Variants in ARID1A observed in about 807,000 individuals in gnomAD.
ARID1A encodes the protein AT-rich interactive domain-containing protein 1A.
In ARID1A, 20 loss-of-function variants were observed where a neutral mutation model predicts 212.6. The ratio of observed to expected loss-of-function variants is 0.09; its 90% confidence interval spans 0.07 to 0.14. The LOEUF (loss-of-function observed/expected upper bound fraction) is 0.14. Ranked by LOEUF, ARID1A falls within the 10% of genes least tolerant of loss-of-function variation. ARID1A has a pLI of 1.00. For missense variants in ARID1A, 2,587 were observed against 3,059.0 expected (o/e 0.85, Z 3.64); for synonymous variants, 1,376 against 1,222.1 (o/e 1.13, Z -2.63).
chr1:26,744,686 A>G (rs1331344168), intron 4 of ARID1A, among the ~76,000 whole-genome samples: 1 of 152,182 alleles, frequency 6.6e-6, no homozygotes, highest in African/African-American at 2.4e-5. Context: ...CTCTGGCCCA[A>G]GCTTCCCTGA....
chr1:26,705,719 G>C (rs2080385670), intron 1 of ARID1A, among the ~76,000 whole-genome samples: 1 of 152,120 alleles, frequency 6.6e-6, no homozygotes, highest in East Asian at 1.9e-4. Context: ...TATTCTTCCT[G>C]AAATTACCCC....
intron 1 of ARID1A, among the ~76,000 whole-genome samples, chr1:26,710,594 G>C (rs1355717387): frequency 6.6e-6 from 1 of 151,042 alleles, no homozygotes; most frequent in African/African-American, 2.4e-5. Flanking sequence ...CTAGCCACCA[G>C]CATCAGCATT....
chr1:26,719,471 G>A (rs552601706), intron 1 of ARID1A, among the ~76,000 whole-genome samples: 55 of 152,290 alleles, frequency 3.6e-4, no homozygotes, highest in Middle Eastern at 3.4e-3. Flanking sequence ...GACACTCTGT[G>A]CTGGAGATGG....
At chr1:26,762,034 G>C in intron 6 of ARID1A, 118 bp from the exon 7 acceptor site, 1 of 1,161,618 alleles carries the variant, frequency 8.6e-7, no homozygotes, top group East Asian at 2.5e-5. Context: ...ATCAGATAGA[G>C]ACTCCATGCA....
At chr1:26,703,083 A>G (rs574113158) in intron 1 of ARID1A, among the ~76,000 whole-genome samples, 1 of 152,286 alleles carries the variant, frequency 6.6e-6, no homozygotes, top group Non-Finnish European at 1.5e-5. Context: ...CCACTACCCA[A>G]TGGCCTGGGT....
intron 1 of ARID1A, among the ~76,000 whole-genome samples, chr1:26,726,652 G>A (rs1028105658): frequency 6.6e-6 from 1 of 152,158 alleles, no homozygotes; most frequent in Admixed American, 6.5e-5. Flanking sequence ...TGTCCCCATA[G>A]TGTCTCCTAC....
At chr1:26,729,978 G>A (rs902320400) in intron 2 of ARID1A, 115 bp downstream of exon 2, 1 of 1,268,108 alleles carries the variant, frequency 7.9e-7, no homozygotes, top group Non-Finnish European at 1.1e-6. Context: ...ATGTAGACCT[G>A]TTGGCTCAGT....
At chr1:26,723,853 G>T (rs569577983) in intron 1 of ARID1A, among the ~76,000 whole-genome samples, 1 of 152,000 alleles carries the variant, frequency 6.6e-6, no homozygotes. Context: ...CATACTGTTG[G>T]TGTCATTCAT....
rs2124120175 is a variant in ARID1A, at chr1:26,774,750, A to G, written c.4523A>G (p.Tyr1508Cys). Residue 1508 changes from tyrosine to cysteine, a missense_variant, in exon 18 of 20, where the codon TAT becomes TGT. Tyr to Cys is a radical substitution (Grantham distance 194). This residue lies in a region of ARID1A where 890 missense variants were observed against 1,098.2 expected (regional missense o/e 0.81). Coordinates refer to ENST00000324856, the MANE Select transcript of ARID1A (RefSeq NM_006015.6). The surrounding 1 kb of genome is among the most constrained non-coding windows in gnomAD (Gnocchi z 5.6). ...WQGRNDMTYN[Y>C]ANRQSTGSAP... is the part of the protein sequence containing the mutation. The stretch of plus-strand genomic sequence containing the variant: ...GGGCGTAATGACATGACCTATAATT[A>G]TGCCAACAGGCAGAGCACGGGCTCT... The G allele has an allele frequency of 6.2e-7, 1 of 1,614,252 alleles. No homozygotes were observed. Among genetic ancestry groups the G allele is most frequent in the Non-Finnish European group, 8.5e-7 (1 of 1,180,048 alleles).
rs916649006 is a variant in ARID1A at position 26,697,375 on chromosome 1, C to T, written c.972C>T (p.Gly324=). ...ACAGTGGCGGGCCCCAGGACGGGGG[C>T]GCCGGCAAGGGCCCGGCGGACATGG... ...GDYSGGPQDG[G]AGKGPADMAS... The change falls in exon 1 of 20, where the codon GGC becomes GGT. Residue 324 remains glycine (G), a synonymous_variant. Coordinates refer to ENST00000324856, the MANE Select transcript of ARID1A (RefSeq NM_006015.6). The T allele has an allele frequency of 1.5e-6, 2 of 1,314,490 alleles. No homozygotes were observed. The highest frequency in any genetic ancestry group is 1.5e-5 in the African/African-American group (1 of 64,850). 81.4% of individuals were successfully genotyped at this position (1,314,490 alleles called of 1,614,324 possible).
rs1006598706 is a variant in ARID1A, at chr1:26,696,116, G to T, written c.-288G>T. On this transcript the variant is annotated 5_prime_UTR_variant, in exon 1 of 20. Coordinates refer to ENST00000324856, the MANE Select transcript of ARID1A (RefSeq NM_006015.6). Reference sequence around the variant, plus strand: ...TCATTCCCAGGCAAGGGCTTGGGGGGAATGAGCCGGGAGAGCCGGGTCCCG... The same window carrying T: ...TCATTCCCAGGCAAGGGCTTGGGGGTAATGAGCCGGGAGAGCCGGGTCCCG... 2.1e-6 allele frequency: 1 copy of T among 472,050 alleles called. No individual in the cohort carries two copies. The highest frequency in any genetic ancestry group is 3.0e-6 in the Non-Finnish European group (1 of 334,680). 29.2% of individuals were successfully genotyped at this position (472,050 alleles called of 1,614,324 possible). A position where few individuals can be genotyped will look rare whatever the true frequency, so the allele number is the denominator to read the frequency against.
intron 1 of ARID1A, among the ~76,000 whole-genome samples, chr1:26,714,318 T>C (rs1016746761): frequency 2.6e-5 from 4 of 152,190 alleles, no homozygotes; most frequent in Non-Finnish European, 4.4e-5. Context: ...AGAAGAACTG[T>C]AGAATTTGTA....
chr1:26,759,025 G>A lies in ARID1A; in HGVS notation c.1921-1831G>A, dbSNP rs550925620. On this transcript the variant is annotated intron_variant, in intron 4 of 19. Transcript: ENST00000324856. ...CCACCCAGCTTGGATACTTGAAGGA[G>A]AGCCTAAAAGCTGCCCTCTGACCTC... is the stretch of plus-strand genomic sequence containing the variant. Among the ~76,000 whole-genome samples, 14 of 139,434 alleles carry A rather than the reference G, an allele frequency of 1.0e-4. No individual in the cohort carries two copies. In the South Asian group the frequency reaches 3.4e-3, roughly 34 times the overall value. The allele number at this position is 139,434 out of a possible 152,430, so 91.5% of individuals were successfully genotyped here. A position where few individuals can be genotyped will look rare whatever the true frequency, so the allele number is the denominator to read the frequency against.
rs2124080552 is a variant in ARID1A at position 26,766,365 on chromosome 1, A to T, written c.2877A>T (p.Ala959=). ...SMGGTMANNS[A]GMAASPEMMG... Reference sequence around the variant, plus strand: ...GTGGAACCATGGCCAACAATTCTGCAGGTAAGTGCTAGTCATTCTCACTAG... The same window carrying T: ...GTGGAACCATGGCCAACAATTCTGCTGGTAAGTGCTAGTCATTCTCACTAG... The change falls in exon 9 of 20, where the codon GCA becomes GCT. Residue 959 remains alanine, a splice_region_variant and synonymous_variant. Transcript: ENST00000324856. 1 of 1,614,174 alleles carries T rather than the reference A, an allele frequency of 6.2e-7. No homozygotes were observed. The highest frequency in any genetic ancestry group is 1.3e-5 in the African/African-American group (1 of 75,042).
In ARID1A at chr1:26,755,049, C is replaced by T. The variant is rs2080916298; in HGVS notation, c.1921-5807C>T. 2.0e-5 allele frequency among the ~76,000 whole-genome samples: 3 copies of T among 152,248 alleles called. No individual in the cohort carries two copies. The South Asian group carries it at 6.2e-4, about 32-fold the overall frequency. On this transcript the variant is annotated intron_variant, in intron 4 of 19. Transcript: ENST00000324856. ...GCTTGAACCCAGGAGACAGAGGTTG[C>T]AGTGAGCCAAGATTGTGCCACTGCA...
chr1:26,757,842 G>C (rs2080956409), intron 4 of ARID1A, among the ~76,000 whole-genome samples: 1 of 151,972 alleles, frequency 6.6e-6, no homozygotes, highest in Admixed American at 6.6e-5. Context: ...GTTTTGCCAT[G>C]TTGGCCAGGC....
Position 26,775,201 on chromosome 1 carries a change from G to A in ARID1A, c.4974G>A (p.Arg1658=), listed in dbSNP as rs144728575. 3.1e-6 allele frequency: 5 copies of A among 1,592,922 alleles called. No homozygotes were observed. In the African/African-American group the frequency reaches 6.8e-5, roughly 22 times the overall value. ...AGCCTGTGTTGAAGCAGAGGAGGCGGCTCACAATGAAAGACATTGGTAAGG... is the reference window on the plus strand; with the variant it reads ...AGCCTGTGTTGAAGCAGAGGAGGCGACTCACAATGAAAGACATTGGTAAGG... ...ATQPVLKQRR[R]LTMKDIGTPE... The change falls in exon 18 of 20, where the codon CGG becomes CGA. Residue 1658 remains arginine (R), a synonymous_variant. Transcript: ENST00000324856.
At chr1:26,762,465 CA>C in intron 7 of ARID1A, 146 bp downstream of exon 7, 1 of 862,482 alleles carries the variant, frequency 1.2e-6, no homozygotes, top group Non-Finnish European at 1.7e-6. Flanking sequence ...TGAAGTAGGG[CA>C]AGGCAAGATT....
chr1:26,738,876 G>C (rs899185402), intron 4 of ARID1A, among the ~76,000 whole-genome samples: 5 of 116,674 alleles, frequency 4.3e-5, no homozygotes, highest in South Asian at 2.8e-4. Context: ...CTTTTCTTTT[G>C]TTTTTTTTTT....
Sources: gnomAD v4.1 joint callset for allele counts (sites outside exome capture counted in the v4.1 genomes callset) on GRCh38, gnomAD v4.1.1 for gene constraint, gnomAD v4.1.1 regional missense constraint, Gnocchi (gnomAD v3.1) non-coding constraint, MANE v1.5 for transcripts, NCBI Gene and HGNC (gene_info 2026-07-23, HGNC 2026-07-21) for gene names.